The following FSTL4 variants were observed in gnomAD, a reference collection of about 807,000 sequenced individuals.
The protein encoded by FSTL4 is follistatin like 4, also known as follistatin-related protein 4.
Under a neutral mutation model 78.2 loss-of-function variants are expected in FSTL4, and 28 were observed. The ratio of observed to expected loss-of-function variants is 0.36; its 90% confidence interval spans 0.27 to 0.49. The LOEUF (loss-of-function observed/expected upper bound fraction) is 0.49. FSTL4 is among the 20% of genes least tolerant of loss of function. FSTL4 has a pLI of 0.98. For synonymous variants in FSTL4, 422 were observed against 440.5 expected, an observed-to-expected ratio of 0.96 and a Z score of 0.53; for missense variants, 922 against 1,084.9, an observed-to-expected ratio of 0.85 and a Z score of 2.11.
At chr5:133,523,533 T>C (rs1475172479) in intron 3 of FSTL4, among the ~76,000 whole-genome samples, 4 of 152,228 alleles carry the variant, frequency 2.6e-5, no homozygotes, top group Non-Finnish European at 4.4e-5. Flanking sequence ...CAGTCAGACC[T>C]GGGCTTGAAT....
At chr5:133,690,274 G>T in the FSTL4 span, among the ~76,000 whole-genome samples, 1 of 151,988 alleles carries the variant, frequency 6.6e-6, no homozygotes, top group African/African-American at 2.4e-5. Flanking sequence ...CTCCAAAAGG[G>T]CTATCTGCCT....
the FSTL4 span, among the ~76,000 whole-genome samples, chr5:133,787,029 C>A: frequency 6.6e-6 from 1 of 152,138 alleles, no homozygotes; most frequent in African/African-American, 2.4e-5. Context: ...AGGTTCCCAA[C>A]CCCTGCACCA....
At chr5:133,823,530 G>C in the FSTL4 span, among the ~76,000 whole-genome samples, 1 of 152,118 alleles carries the variant, frequency 6.6e-6, no homozygotes, top group Non-Finnish European at 1.5e-5. Context: ...AGATCCTCAG[G>C]ATGTCAGAGA....
intron 3 of FSTL4, among the ~76,000 whole-genome samples, chr5:133,503,807 T>C (rs927491410): frequency 1.3e-5 from 2 of 152,168 alleles, no homozygotes; most frequent in Non-Finnish European, 2.9e-5. Flanking sequence ...GAGTCCATCA[T>C]TGTATTAGTC....
At chr5:133,709,554 A>C in the FSTL4 span, among the ~76,000 whole-genome samples, 39 of 152,384 alleles carry the variant, frequency 2.6e-4, no homozygotes, top group African/African-American at 8.4e-4. Context: ...TGGCATGCTG[A>C]GCAATGGCTC....
chr5:133,679,521 G>T, the FSTL4 span, among the ~76,000 whole-genome samples: 1 of 152,074 alleles, frequency 6.6e-6, no homozygotes, highest in Non-Finnish European at 1.5e-5. Context: ...ACTCCTGAAA[G>T]GCCTCAGAAG....
the FSTL4 span, among the ~76,000 whole-genome samples, chr5:133,735,610 T>C: frequency 6.6e-6 from 1 of 152,194 alleles, no homozygotes; most frequent in Non-Finnish European, 1.5e-5. Flanking sequence ...TTCTGAGTCA[T>C]AGTCTGTTAA....
intron 6 of FSTL4, among the ~76,000 whole-genome samples, chr5:133,287,663 T>A (rs78203488): frequency 0.069 from 10,517 of 152,292 alleles, 567 homozygotes; most frequent in East Asian, 0.26. Context: ...CAGGCCTCTA[T>A]AGTCTGACTG....
At chr5:133,727,138 C>T in the FSTL4 span, among the ~76,000 whole-genome samples, 1 of 152,000 alleles carries the variant, frequency 6.6e-6, no homozygotes, top group African/African-American at 2.4e-5. Context: ...ATGCAGGGAC[C>T]CAGAGACCAA....
intron 4 of FSTL4, among the ~76,000 whole-genome samples, chr5:133,358,645 G>A (rs1754997289): frequency 6.7e-6 from 1 of 148,272 alleles, no homozygotes; most frequent in African/African-American, 2.5e-5. Flanking sequence ...GCCCAGGCTG[G>A]ATGGAGTGCA....
chr5:133,262,425 C>T (rs1485490001), intron 6 of FSTL4, among the ~76,000 whole-genome samples: 1 of 152,226 alleles, frequency 6.6e-6, no homozygotes, highest in Non-Finnish European at 1.5e-5. Flanking sequence ...GAAATGTTAA[C>T]TTTCCACTCC....
At chr5:133,365,489 C>T (rs1324289895) in intron 4 of FSTL4, among the ~76,000 whole-genome samples, 1 of 152,158 alleles carries the variant, frequency 6.6e-6, no homozygotes, top group African/African-American at 2.4e-5. Context: ...CACCAGGGGA[C>T]AGCATGCCCC....
At chr5:133,218,524 C>G (rs1448426583) in intron 12 of FSTL4, among the ~76,000 whole-genome samples, 3 of 152,206 alleles carry the variant, frequency 2.0e-5, no homozygotes, top group Non-Finnish European at 4.4e-5. Flanking sequence ...AATCCCAAGT[C>G]TTTCCTACAA....
At chr5:133,778,768 C>T in the FSTL4 span, among the ~76,000 whole-genome samples, 1 of 152,218 alleles carries the variant, frequency 6.6e-6, no homozygotes, top group Non-Finnish European at 1.5e-5. Context: ...CGCTGACTCT[C>T]TTCATTCTAA....
chr5:133,682,815 G>A, the FSTL4 span, among the ~76,000 whole-genome samples: 1 of 152,188 alleles, frequency 6.6e-6, no homozygotes, highest in African/African-American at 2.4e-5. Context: ...CTGCGTCATA[G>A]CCTCCCTTCC....
At chr5:133,646,921 A>C in the FSTL4 span, among the ~76,000 whole-genome samples, 251 of 152,294 alleles carry the variant, frequency 1.6e-3, 3 homozygotes, top group Admixed American at 0.014. Flanking sequence ...GAGGCCCAAG[A>C]GAAAGTATCC....
intron 6 of FSTL4, among the ~76,000 whole-genome samples, chr5:133,264,085 G>A (rs1752592901): frequency 6.6e-6 from 1 of 152,160 alleles, no homozygotes; most frequent in Admixed American, 6.5e-5. Context: ...ACAACTTGGG[G>A]AGGGGGTGGT....
At chr5:133,392,758 G>C (rs918977494) in intron 4 of FSTL4, among the ~76,000 whole-genome samples, 1 of 152,202 alleles carries the variant, frequency 6.6e-6, no homozygotes, top group Non-Finnish European at 1.5e-5. Flanking sequence ...GCAAAGGAGG[G>C]GTTGGAGAAA....
At chr5:133,810,188 C>T in the FSTL4 span, among the ~76,000 whole-genome samples, 1 of 152,226 alleles carries the variant, frequency 6.6e-6, no homozygotes, top group African/African-American at 2.4e-5. Context: ...TTTTGAGGAT[C>T]TGACTCCTGG....
Sources: allele counts gnomAD v4.1 joint callset (sites outside exome capture counted in the v4.1 genomes callset), GRCh38; gene constraint gnomAD v4.1.1; transcripts MANE v1.5; gene names NCBI Gene and HGNC (gene_info 2026-07-23, HGNC 2026-07-21).